The following ASB4 variants were observed in gnomAD, a reference collection of about 807,000 sequenced individuals.
The protein encoded by ASB4 is ankyrin repeat and SOCS box containing 4.
In ASB4, 35 loss-of-function variants were observed where a neutral mutation model predicts 38.6. That is an observed-to-expected ratio of 0.91 (90% CI 0.69 to 1.20). The LOEUF is 1.20. ASB4 is among the 50% of genes most tolerant of loss of function. ASB4 has a pLI of 0.00. For synonymous variants in ASB4, 195 were observed against 201.3 expected, an observed-to-expected ratio of 0.97 and a Z score of 0.26; for missense variants, 557 against 527.2, an observed-to-expected ratio of 1.06 and a Z score of -0.55.
At chr7:95,503,036 A>G (rs547457924) in intron 2 of ASB4, among the ~76,000 whole-genome samples, 2 of 152,342 alleles carry the variant, frequency 1.3e-5, no homozygotes, top group East Asian at 1.9e-4. Flanking sequence ...GACAGTATGG[A>G]CTGTATAGAT....
chr7:95,477,095 A>G (rs1789984236), upstream of ASB4, among the ~76,000 whole-genome samples: 1 of 151,802 alleles, frequency 6.6e-6, no homozygotes. Flanking sequence ...TTTTATCCGC[A>G]TTGGCTTGGA....
At chr7:95,485,465 T>G (rs1395725789), upstream of ASB4, among the ~76,000 whole-genome samples, 2 of 152,178 alleles carry the variant, frequency 1.3e-5, no homozygotes. Flanking sequence ...CAGATATGTA[T>G]GACAATGGTT....
At chr7:95,515,275 T>TTCTTTC (rs1562817221) in intron 2 of ASB4, among the ~76,000 whole-genome samples, 6 of 86,582 alleles carry the variant, frequency 6.9e-5, no homozygotes, top group Admixed American at 2.5e-4. Flanking sequence ...TTCTCTTTCT[T>TTCTTTC]TCTTTCTTTC....
At chr7:95,471,406 C>G in the ASB4 span, among the ~76,000 whole-genome samples, 224 of 152,260 alleles carry the variant, frequency 1.5e-3, no homozygotes, top group African/African-American at 5.3e-3. Context: ...AGAGTGGTTG[C>G]TTCAGGGACC....
intron 2 of ASB4, among the ~76,000 whole-genome samples, chr7:95,496,436 G>A (rs1790249507): frequency 6.6e-6 from 1 of 152,080 alleles, no homozygotes; most frequent in African/African-American, 2.4e-5. Flanking sequence ...TTATAAATTG[G>A]GACAGTGTTT....
chr7:95,542,853 C>G (rs1562825688), downstream of ASB4: 1 of 152,188 alleles, frequency 6.6e-6, no homozygotes, highest in Non-Finnish European at 1.5e-5. Flanking sequence ...AACCACTCTG[C>G]AAATATATGC....
chr7:95,470,708 G>A, the ASB4 span, among the ~76,000 whole-genome samples: 2 of 152,088 alleles, frequency 1.3e-5, no homozygotes, highest in East Asian at 1.9e-4. Flanking sequence ...CAGCTGTGGC[G>A]ACTGAATCTA....
At chr7:95,527,157 T>C (rs970853207) in intron 2 of ASB4, among the ~76,000 whole-genome samples, 2 of 152,090 alleles carry the variant, frequency 1.3e-5, no homozygotes, top group Non-Finnish European at 2.9e-5. Flanking sequence ...TTTAGGCTAG[T>C]TTGGTGACTA....
At chr7:95,483,385 G>A (rs1790039821), upstream of ASB4, among the ~76,000 whole-genome samples, 1 of 152,136 alleles carries the variant, frequency 6.6e-6, no homozygotes, top group South Asian at 2.1e-4. Flanking sequence ...CATATTCCCT[G>A]AAGCTCTCTT....
downstream of ASB4, among the ~76,000 whole-genome samples, chr7:95,544,719 G>C (rs568040971): frequency 6.6e-6 from 1 of 151,846 alleles, no homozygotes; most frequent in Non-Finnish European, 1.5e-5. Flanking sequence ...TTTTGAGATG[G>C]GGTCTCACTC....
chr7:95,539,892 A>G lies in ASB4; in HGVS notation c.*2133A>G, dbSNP rs557682312. 1.3e-5 allele frequency: 2 copies of G among 152,318 alleles called. No homozygotes were observed. Among genetic ancestry groups the G allele is most frequent in the Admixed American group, 1.3e-4 (2 of 15,304 alleles). The allele number at this position is 152,318 out of a possible 1,614,324, so 9.4% of individuals were successfully genotyped here. On this transcript the variant is annotated 3_prime_UTR_variant, in exon 5 of 5. Coordinates refer to ENST00000325885, the MANE Select transcript of ASB4 (RefSeq NM_016116.3). ...ACCCCCAAAACTATTGAAATCTTAAAATAGTAATAATTAACAAAGTAAAAC... is the reference window on the plus strand; with the variant it reads ...ACCCCCAAAACTATTGAAATCTTAAGATAGTAATAATTAACAAAGTAAAAC...
chr7:95,474,970 A>G (rs1392779215), upstream of ASB4, among the ~76,000 whole-genome samples: 1 of 152,222 alleles, frequency 6.6e-6, no homozygotes, highest in Admixed American at 6.5e-5. Flanking sequence ...GGGATTCAGG[A>G]GATACTTTTG....
intron 2 of ASB4, among the ~76,000 whole-genome samples, chr7:95,515,316 T>TCTTTCTTTCTTCCTTCCTTCCTTC (rs1420581416): frequency 1.9e-4 from 18 of 95,812 alleles, no homozygotes; most frequent in South Asian, 4.1e-4. Flanking sequence ...TTTCTTTCTT[T>TCTTTCTTTCTTCCTTCCTTCCTTC]CTTCCTTCCT....
chr7:95,479,138 T>A (rs907840650), intron 1 of ASB4, among the ~76,000 whole-genome samples: 19 of 152,234 alleles, frequency 1.2e-4, no homozygotes, highest in Admixed American at 2.0e-4. Flanking sequence ...GGTCTCATTT[T>A]ACTTACAGGA....
rs539772480 is a variant in ASB4 at position 95,503,049 on chromosome 7, A to G, written c.487+6992A>G. Among the ~76,000 whole-genome samples the G allele has an allele frequency of 2.6e-5, 4 of 152,314 alleles. No homozygotes were observed. The South Asian group carries it at 6.2e-4, about 24-fold the overall frequency. ...GGGACAGTATGGACTGTATAGATGT[A>G]TTTTTCTGAAAATTATATGTGACTA... On this transcript the variant is annotated intron_variant, in intron 2 of 4. Coordinates refer to ENST00000325885, the MANE Select transcript of ASB4 (RefSeq NM_016116.3).
chr7:95,492,646 T>C (rs1174159544), intron 1 of ASB4, among the ~76,000 whole-genome samples: 1 of 152,228 alleles, frequency 6.6e-6, no homozygotes, highest in South Asian at 2.1e-4. Flanking sequence ...AGCTCTCTGC[T>C]GCTTCCTTTC....
intron 3 of ASB4, among the ~76,000 whole-genome samples, chr7:95,529,961 A>G (rs927479867): frequency 9.9e-5 from 15 of 152,166 alleles, no homozygotes; most frequent in African/African-American, 3.6e-4. Context: ...CCGAAGTGTC[A>G]GGTACTGTTC....
intron 2 of ASB4, among the ~76,000 whole-genome samples, chr7:95,503,158 A>G (rs533916137): frequency 1.9e-4 from 29 of 152,302 alleles, no homozygotes; most frequent in African/African-American, 6.5e-4. Context: ...AATTTCAAAA[A>G]GGCAAATCTG....
At chr7:95,520,225 A>G (rs1790642290) in intron 2 of ASB4, among the ~76,000 whole-genome samples, 2 of 152,210 alleles carry the variant, frequency 1.3e-5, no homozygotes, top group African/African-American at 2.4e-5. Context: ...TGGGTACTGC[A>G]CTGCAGAATC....
Sources: allele counts gnomAD v4.1 joint callset (sites outside exome capture counted in the v4.1 genomes callset), GRCh38; gene constraint gnomAD v4.1.1; transcripts MANE v1.5; gene names NCBI Gene and HGNC (gene_info 2026-07-23, HGNC 2026-07-21).